DOCK4: variants seen among roughly 807,000 people sequenced by gnomAD.
DOCK4 encodes dedicator of cytokinesis protein 4.
A neutral mutation model predicts 268.1 loss-of-function variants in DOCK4; 97 were observed. That is an observed-to-expected ratio of 0.36 (90% CI 0.31 to 0.43). DOCK4 has a LOEUF of 0.43. Ranked by LOEUF, DOCK4 falls within the 20% of genes least tolerant of loss-of-function variation. The probability of loss-of-function intolerance (pLI) is 1.00; values close to 1 mark genes in which losing one functional copy is unlikely to be tolerated. For missense variants in DOCK4, 2,145 were observed against 2,455.7 expected, an observed-to-expected ratio of 0.87 and a Z score of 2.67; for synonymous variants, 954 against 887.2, an observed-to-expected ratio of 1.08 and a Z score of -1.34.
intron 8 of DOCK4, among the ~76,000 whole-genome samples, chr7:111,959,388 C>T (rs1261706879): frequency 3.3e-5 from 5 of 152,106 alleles, no homozygotes; most frequent in Admixed American, 3.3e-4. Context: ...TAACATGAAG[C>T]TACAAAAAGG....
intron 1 of DOCK4, among the ~76,000 whole-genome samples, chr7:112,175,535 T>A (rs1325612694): frequency 6.6e-6 from 1 of 152,102 alleles, no homozygotes; most frequent in African/African-American, 2.4e-5. Context: ...CCTAACTTAC[T>A]AGAAATTGAC....
chr7:111,810,653 A>G (rs954550073), intron 28 of DOCK4, among the ~76,000 whole-genome samples: 1 of 152,070 alleles, frequency 6.6e-6, no homozygotes, highest in Non-Finnish European at 1.5e-5. Flanking sequence ...ATCAAATGTA[A>G]TTGGTACAAC....
At chr7:111,803,610 A>C (rs1241393509) in intron 30 of DOCK4, among the ~76,000 whole-genome samples, 2 of 152,232 alleles carry the variant, frequency 1.3e-5, no homozygotes, top group African/African-American at 2.4e-5. Context: ...TCATCTAAAA[A>C]TAGAAAGAAA....
intron 42 of DOCK4, among the ~76,000 whole-genome samples, chr7:111,753,245 C>T (rs924696304): frequency 6.6e-6 from 1 of 152,100 alleles, no homozygotes; most frequent in Non-Finnish European, 1.5e-5. Flanking sequence ...GAGACAAAGG[C>T]TAGAGGACTG....
chr7:112,008,181 C>T (rs750472851), intron 1 of DOCK4, among the ~76,000 whole-genome samples: 2 of 152,096 alleles, frequency 1.3e-5, no homozygotes, highest in Admixed American at 6.6e-5. Context: ...TTTAGTCATA[C>T]GGGCCCTGAG....
At chr7:112,058,842 TGTCCTGAAAACTG>T (rs530498902) in intron 1 of DOCK4, among the ~76,000 whole-genome samples, 2 of 152,120 alleles carry the variant, frequency 1.3e-5, no homozygotes, top group Non-Finnish European at 2.9e-5. Context: ...AGGATCACAC[TGTCCTGAAAACTG>T]GTCTTTTGGG....
chr7:112,136,186 G>A (rs1342771462), intron 1 of DOCK4, among the ~76,000 whole-genome samples: 1 of 151,986 alleles, frequency 6.6e-6, no homozygotes, highest in Non-Finnish European at 1.5e-5. Flanking sequence ...AAAACAAAAA[G>A]AATGAAACCG....
chr7:111,839,992 T>C (rs79659011), intron 25 of DOCK4, among the ~76,000 whole-genome samples: 4,355 of 152,220 alleles, frequency 0.029, 220 homozygotes, highest in African/African-American at 0.096. Context: ...AATCCTAGAC[T>C]CATAATTTAT....
intron 10 of DOCK4, among the ~76,000 whole-genome samples, chr7:111,940,991 C>T (rs1173080820): frequency 3.3e-5 from 5 of 152,154 alleles, no homozygotes; most frequent in Non-Finnish European, 7.4e-5. Flanking sequence ...TAAATTGTTT[C>T]TATCTGAGCA....
At chr7:111,741,900 G>A in intron 45 of DOCK4, 113 bp downstream of exon 45, 1 of 1,390,882 alleles carries the variant, frequency 7.2e-7, no homozygotes, top group Non-Finnish European at 9.6e-7. Flanking sequence ...TGGTAAAACA[G>A]TGCAGTTTGG....
chr7:111,926,120 AAAAGAAAG>A lies in DOCK4; in HGVS notation c.1066+9412_1066+9419del, dbSNP rs71524823. On this transcript the variant is annotated intron_variant, in intron 12 of 52. Coordinates refer to ENST00000428084, the MANE Select transcript of DOCK4 (RefSeq NM_001363540.2). ...AGAAAGAGAGAGAGAGAGAAAGAGA[AAAAGAAAG>A]AAAGAAAGAAAGAAAGAAAAAGAGA... Among the ~76,000 whole-genome samples the A allele has an allele frequency of 9.6e-4, 130 of 135,192 alleles. 3 individuals are homozygous for A. The highest frequency in any genetic ancestry group is 1.5e-3 in the Non-Finnish European group (98 of 64,998). The allele number at this position is 135,192 out of a possible 152,430, so 88.7% of individuals were successfully genotyped here. A position where few individuals can be genotyped will look rare whatever the true frequency, so the allele number is the denominator to read the frequency against.
chr7:111,859,562 ATTTTTTTT>A (rs140285833), intron 23 of DOCK4, among the ~76,000 whole-genome samples: 3 of 102,158 alleles, frequency 2.9e-5, no homozygotes, highest in South Asian at 2.9e-4. Context: ...GTGTGTGTTA[ATTTTTTTT>A]TTTTTTTTTT....
chr7:111,746,355 T>C lies in DOCK4; in HGVS notation c.4656A>G (p.Leu1552=). The C allele has an allele frequency of 1.2e-6, 2 of 1,613,056 alleles. No homozygotes were observed. Among genetic ancestry groups the C allele is most frequent in the Non-Finnish European group, 1.7e-6 (2 of 1,179,524 alleles). The change falls in exon 44 of 53, where the codon TTA becomes TTG. Residue 1552 remains leucine (L), a synonymous_variant. Transcript: ENST00000428084. ...HPEDGEKIAR[L]RELMLEQAQI... is the part of the protein sequence containing the mutation. Reference sequence around the variant, plus strand: ...TTACCTGCTCAAGCATCAGCTCTCTTAATCGTGCAATTTTCTCCCCATCTT... The same window carrying C: ...TTACCTGCTCAAGCATCAGCTCTCTCAATCGTGCAATTTTCTCCCCATCTT...
At chr7:111,925,792 G>T (rs1793563573) in intron 12 of DOCK4, among the ~76,000 whole-genome samples, 1 of 152,058 alleles carries the variant, frequency 6.6e-6, no homozygotes. Context: ...AAAATGAAAA[G>T]AAAGAAAAAA....
intron 8 of DOCK4, among the ~76,000 whole-genome samples, chr7:111,961,662 C>T (rs6975815): frequency 0.014 from 2,171 of 152,266 alleles, 49 homozygotes; most frequent in African/African-American, 0.05. Flanking sequence ...AATCAAGGCT[C>T]GTGCTTCAAG....
intron 25 of DOCK4, among the ~76,000 whole-genome samples, chr7:111,837,142 A>G (rs1803299772): frequency 6.6e-6 from 1 of 151,902 alleles, no homozygotes; most frequent in Admixed American, 6.6e-5. Flanking sequence ...CAGAAAAAAA[A>G]GGGGCACATT....
At chr7:111,940,056 A>T in intron 11 of DOCK4, 54 bp downstream of exon 11, 2 of 1,588,360 alleles carry the variant, frequency 1.3e-6, no homozygotes, top group East Asian at 4.5e-5. Context: ...CCCAAGTAGG[A>T]CCCACATGTA....
At chr7:112,092,131 C>T (rs569262463) in intron 1 of DOCK4, among the ~76,000 whole-genome samples, 1 of 152,252 alleles carries the variant, frequency 6.6e-6, no homozygotes, top group East Asian at 1.9e-4. Flanking sequence ...CCCAGGCTGG[C>T]TGTGTAATAA....
At chr7:111,975,513 C>A (rs1798095613) in intron 8 of DOCK4, among the ~76,000 whole-genome samples, 1 of 152,116 alleles carries the variant, frequency 6.6e-6, no homozygotes, top group African/African-American at 2.4e-5. Flanking sequence ...GTTTTTCACG[C>A]CTTTTACTTC....
Sources: allele counts gnomAD v4.1 joint callset (sites outside exome capture counted in the v4.1 genomes callset), GRCh38; gene constraint gnomAD v4.1.1; transcripts MANE v1.5; gene names NCBI Gene and HGNC (gene_info 2026-07-23, HGNC 2026-07-21).